The following KIRREL3 variants were observed in gnomAD, a reference collection of about 807,000 sequenced individuals.
KIRREL3 encodes the protein kin of IRRE-like protein 3.
KIRREL3 carries 36 observed loss-of-function variants against 89.7 expected under a neutral mutation model. The ratio of observed to expected loss-of-function variants is 0.40; its 90% CI spans 0.31 to 0.53. KIRREL3 has a LOEUF of 0.53. Ranked by LOEUF, KIRREL3 falls within the 20% of genes least tolerant of loss-of-function variation. The pLI is 0.49. For missense variants in KIRREL3, 864 were observed against 1,056.6 expected (o/e 0.82, Z 2.53); for synonymous variants, 445 against 441.4 (o/e 1.01, Z -0.10).
intron 1 of KIRREL3, among the ~76,000 whole-genome samples, chr11:126,929,316 T>C (rs779483911): frequency 6.6e-6 from 1 of 151,888 alleles, no homozygotes; most frequent in Non-Finnish European, 1.5e-5. Flanking sequence ...ATGATCCGAA[T>C]GAAATCCAGA....
Position 126,807,245 on chromosome 11 carries a change from C to T in KIRREL3, c.55+193210G>A, listed in dbSNP as rs530670853. 6.6e-6 allele frequency among the ~76,000 whole-genome samples: 1 copy of T among 152,202 alleles called. No homozygotes were observed. The highest frequency in any genetic ancestry group is 1.5e-5 in the Non-Finnish European group (1 of 68,038). On this transcript the variant is annotated intron_variant, in intron 1 of 16. Transcript: ENST00000525144. This position sits in a 1 kb window ranked among gnomAD's most constrained non-coding sequence, Gnocchi z 4.3. ...TGACTCCCACTGATAAAATCCTATA[C>T]TTCTAACAAAGAAATGTCATCTGAA...
chr11:126,950,434 C>G (rs933807520), intron 1 of KIRREL3, among the ~76,000 whole-genome samples: 1 of 152,110 alleles, frequency 6.6e-6, no homozygotes, highest in Non-Finnish European at 1.5e-5. Context: ...CCAATGTCTA[C>G]AATACCAAGG....
intron 2 of KIRREL3, among the ~76,000 whole-genome samples, chr11:126,536,469 T>C (rs1274542415): frequency 6.6e-6 from 1 of 152,068 alleles, no homozygotes; most frequent in African/African-American, 2.4e-5. Flanking sequence ...TGCACTGTGG[T>C]TCCACAGTGG....
intron 1 of KIRREL3, among the ~76,000 whole-genome samples, chr11:126,863,576 C>T (rs1176669948): frequency 6.7e-5 from 7 of 103,992 alleles, no homozygotes; most frequent in Admixed American, 4.1e-4. Flanking sequence ...TGTTTGACTG[C>T]GTGTGAGTGT....
chr11:126,746,409 G>A (rs1949151555), intron 1 of KIRREL3, among the ~76,000 whole-genome samples: 1 of 152,176 alleles, frequency 6.6e-6, no homozygotes, highest in South Asian at 2.1e-4. Flanking sequence ...TCAGCAGGAG[G>A]TGGCAATACA....
rs1220897691 is a variant in KIRREL3, at chr11:126,872,191, ACTTCT to A, written c.55+128259_55+128263del. On this transcript the variant is annotated intron_variant, in intron 1 of 16. Transcript: ENST00000525144. This position sits in a 1 kb window ranked among gnomAD's most constrained non-coding sequence, Gnocchi z 4.2. The stretch of plus-strand genomic sequence containing the variant: ...TTACTGCTCATTAACATAAAAAGAT[ACTTCT>A]AGTAGTGTCATGACACTTTACAAAT... Among the ~76,000 whole-genome samples the A allele has an allele frequency of 2.0e-5, 3 of 152,328 alleles. No homozygotes were observed. The East Asian group carries it at 5.8e-4, about 29-fold the overall frequency.
rs1285342407 is a variant in KIRREL3, at chr11:126,990,713, G to A, written c.55+9742C>T. 6.6e-6 allele frequency among the ~76,000 whole-genome samples: 1 copy of A among 152,216 alleles called. No individual in the cohort carries two copies. The highest frequency in any genetic ancestry group is 1.5e-5 in the Non-Finnish European group (1 of 68,040). ...CTATGTAAGAAAAAGGCTTCAGAGGGCATCTCCCTGAAGAAACAGAACTCC... is the reference window on the plus strand; with the variant it reads ...CTATGTAAGAAAAAGGCTTCAGAGGACATCTCCCTGAAGAAACAGAACTCC... On this transcript the variant is annotated intron_variant, in intron 1 of 16. Coordinates refer to ENST00000525144, the MANE Select transcript of KIRREL3 (RefSeq NM_032531.4). The surrounding 1 kb of genome is among the most constrained non-coding windows in gnomAD (Gnocchi z 6.3).
In KIRREL3 at chr11:126,558,915, C is replaced by A. The variant is rs1939903140; in HGVS notation, c.133+3920G>T. Among the ~76,000 whole-genome samples the A allele has an allele frequency of 6.6e-6, 1 of 151,624 alleles. No homozygotes were observed. Among genetic ancestry groups the A allele is most frequent in the Non-Finnish European group, 1.5e-5 (1 of 67,870 alleles). On this transcript the variant is annotated intron_variant, in intron 2 of 16. Transcript: ENST00000525144. This position sits in a 1 kb window ranked among gnomAD's most constrained non-coding sequence, Gnocchi z 4.0. ...GTATACATATGCATGCAGGTGTGTG[C>A]ATTGTGTGTGTATGTGTGTGTGCAT...
intron 1 of KIRREL3, among the ~76,000 whole-genome samples, chr11:126,929,117 C>T (rs1784313): frequency 0.34 from 52,228 of 152,012 alleles, 9,350 homozygotes; most frequent in Middle Eastern, 0.55. Flanking sequence ...GACACATCTG[C>T]CAACTGTGAC....
At chr11:126,660,849 A>T (rs1482811334) in intron 1 of KIRREL3, among the ~76,000 whole-genome samples, 2 of 152,196 alleles carry the variant, frequency 1.3e-5, no homozygotes, top group East Asian at 3.9e-4. Context: ...CTGTATATTA[A>T]CACCATCCTG....
At position 126,495,648 on chromosome 11, in the gene KIRREL3, G is replaced by A. The variant is rs1344654048; in HGVS notation, c.434-22182C>T. Among the ~76,000 whole-genome samples, 2 of 152,124 alleles carry A rather than the reference G, an allele frequency of 1.3e-5. No individual in the cohort carries two copies. Among genetic ancestry groups the A allele is most frequent in the African/African-American group, 2.4e-5 (1 of 41,416 alleles). On this transcript the variant is annotated intron_variant, in intron 4 of 16. Transcript: ENST00000525144. The surrounding 1 kb of genome is among the most constrained non-coding windows in gnomAD (Gnocchi z 6.5). ...TTGTGTCCTCCCTGCTGTGACACCA[G>A]GTATAAGCAGAAACTTATGGTCACA...
intron 13 of KIRREL3, among the ~76,000 whole-genome samples, chr11:126,433,964 C>T (rs570872073): frequency 1.2e-4 from 18 of 152,366 alleles, no homozygotes; most frequent in African/African-American, 2.6e-4. Context: ...CGTTTCCACA[C>T]GCTGCTGACG....
At position 126,989,071 on chromosome 11, in the gene KIRREL3, T is replaced by A. The variant is rs1482566918; in HGVS notation, c.55+11384A>T. ...GGTCAAACACCTCGTTGGTATAACA[T>A]CTTTTAATTTGAGGAGGAGCTCAGT... On this transcript the variant is annotated intron_variant, in intron 1 of 16. Transcript: ENST00000525144. This position sits in a 1 kb window ranked among gnomAD's most constrained non-coding sequence, Gnocchi z 6.2. 1.3e-5 allele frequency among the ~76,000 whole-genome samples: 2 copies of A among 152,160 alleles called. No individual in the cohort carries two copies. Among genetic ancestry groups the A allele is most frequent in the South Asian group, 2.1e-4 (1 of 4,832 alleles).
chr11:126,913,624 T>C (rs1425272567), intron 1 of KIRREL3, among the ~76,000 whole-genome samples: 1 of 152,232 alleles, frequency 6.6e-6, no homozygotes, highest in African/African-American at 2.4e-5. Context: ...CATCAAGCGG[T>C]ACCTAACTCT....
chr11:126,487,880 G>T (rs892826678), intron 4 of KIRREL3, among the ~76,000 whole-genome samples: 1 of 152,234 alleles, frequency 6.6e-6, no homozygotes, highest in African/African-American at 2.4e-5. Flanking sequence ...ACTCCAGCAT[G>T]AGTCCTTCTG....
chr11:126,444,437 A>C (rs1017273146), intron 10 of KIRREL3, among the ~76,000 whole-genome samples: 2 of 152,318 alleles, frequency 1.3e-5, no homozygotes, highest in South Asian at 4.1e-4. Context: ...GTTGGAGACC[A>C]ACAATGGTGA....
At chr11:126,722,621 C>A (rs1347938839) in intron 1 of KIRREL3, among the ~76,000 whole-genome samples, 2 of 152,272 alleles carry the variant, frequency 1.3e-5, no homozygotes, top group African/African-American at 4.8e-5. Context: ...AAAAAGACCA[C>A]AAGATCTGTA....
At chr11:126,449,343 C>T (rs1025738214) in intron 7 of KIRREL3, among the ~76,000 whole-genome samples, 186 bp from the exon 8 acceptor site, 2 of 152,218 alleles carry the variant, frequency 1.3e-5, no homozygotes, top group African/African-American at 4.8e-5. Flanking sequence ...GTTGGTTTTG[C>T]TCCCACCCAG....
At chr11:126,947,185 C>G (rs1349242794) in intron 1 of KIRREL3, among the ~76,000 whole-genome samples, 4 of 152,308 alleles carry the variant, frequency 2.6e-5, no homozygotes, top group Middle Eastern at 6.8e-3. Flanking sequence ...GTCCCCTTCA[C>G]TATGAAATAG....
Sources: allele counts gnomAD v4.1 joint callset (sites outside exome capture counted in the v4.1 genomes callset), GRCh38; gene constraint gnomAD v4.1.1; non-coding constraint Gnocchi (gnomAD v3.1); transcripts MANE v1.5; gene names NCBI Gene and HGNC (gene_info 2026-07-23, HGNC 2026-07-21).